The following GLIS3 variants were observed in gnomAD, a reference collection of about 807,000 sequenced individuals.
GLIS3 encodes GLIS family zinc finger 3.
GLIS3 carries 53 observed loss-of-function variants against 78.6 expected under a neutral mutation model. That is an observed-to-expected ratio of 0.67 (90% confidence interval 0.54 to 0.85). The LOEUF is 0.85. Among genes scored for constraint, GLIS3 ranks in the 40% least tolerant of loss-of-function variants. GLIS3 has a pLI of 0.00. For missense variants in GLIS3, 1,703 were observed against 1,231.1 expected (o/e 1.38, Z -5.74); for synonymous variants, 684 against 509.9 (o/e 1.34, Z -4.60).
chr9:4,152,004 C>T (rs988466413), intron 2 of GLIS3: 2 of 192,470 alleles, frequency 1.0e-5, no homozygotes, highest in Non-Finnish European at 1.9e-5. Flanking sequence ...ATGGGATCTC[C>T]AGTTTGCACA....
At chr9:4,121,783 C>G (rs1832210169) in intron 3 of GLIS3, among the ~76,000 whole-genome samples, 1 of 152,114 alleles carries the variant, frequency 6.6e-6, no homozygotes, top group Non-Finnish European at 1.5e-5. Context: ...CAATGCTCTG[C>G]TTAATTGAAA....
At chr9:4,397,753 AAGGAGAGGAG>A in the GLIS3 span, among the ~76,000 whole-genome samples, 1 of 146,572 alleles carries the variant, frequency 6.8e-6, no homozygotes, top group Non-Finnish European at 1.5e-5. Flanking sequence ...AGAAAGAGGA[AAGGAGAGGAG>A]AGGAAAGGAG....
the GLIS3 span, among the ~76,000 whole-genome samples, chr9:4,378,876 CTG>C: frequency 6.6e-6 from 1 of 152,162 alleles, no homozygotes; most frequent in Non-Finnish European, 1.5e-5. Context: ...GACCTGGAGA[CTG>C]ATTCTTCCTC....
intron 2 of GLIS3, among the ~76,000 whole-genome samples, chr9:4,180,934 T>A (rs145510915): frequency 2.6e-5 from 4 of 152,092 alleles, no homozygotes; most frequent in Admixed American, 2.6e-4. Context: ...ACTGCCACCA[T>A]CTCCCTGGGC....
At chr9:4,363,933 G>A in the GLIS3 span, among the ~76,000 whole-genome samples, 1 of 152,194 alleles carries the variant, frequency 6.6e-6, no homozygotes, top group African/African-American at 2.4e-5. Context: ...GAAGCAGGGT[G>A]GGACTCCTAG....
chr9:4,483,068 C>T, the GLIS3 span, among the ~76,000 whole-genome samples: 1 of 152,176 alleles, frequency 6.6e-6, no homozygotes, highest in Non-Finnish European at 1.5e-5. Flanking sequence ...AAATGCCTCT[C>T]AACTTTTGTT....
intron 4 of GLIS3, among the ~76,000 whole-genome samples, chr9:3,966,783 A>G (rs984746527): frequency 6.6e-6 from 1 of 151,748 alleles, no homozygotes; most frequent in Non-Finnish European, 1.5e-5. Flanking sequence ...CAAAAAAAAA[A>G]CAAAAAACAA....
chr9:4,121,659 A>ACC (rs1309508447), intron 3 of GLIS3, among the ~76,000 whole-genome samples: 4 of 148,136 alleles, frequency 2.7e-5, no homozygotes, highest in Admixed American at 6.7e-5. Flanking sequence ...ACACACACAC[A>ACC]CACCCCAAAG....
At chr9:4,331,534 G>A (rs1419178848) in intron 2 of GLIS3, among the ~76,000 whole-genome samples, 11 of 152,262 alleles carry the variant, frequency 7.2e-5, no homozygotes, top group East Asian at 3.9e-4. Context: ...TGATTGGTCC[G>A]TTGAAGCAGA....
At chr9:4,181,258 G>A (rs1817299599) in intron 2 of GLIS3, among the ~76,000 whole-genome samples, 1 of 152,240 alleles carries the variant, frequency 6.6e-6, no homozygotes, top group Non-Finnish European at 1.5e-5. Context: ...GGCTGACCAT[G>A]GACAGCACTC....
the GLIS3 span, among the ~76,000 whole-genome samples, chr9:4,388,584 G>C: frequency 6.6e-6 from 1 of 152,156 alleles, no homozygotes. Context: ...GCTGAGGCAG[G>C]AGAATGGCTT....
intron 2 of GLIS3, among the ~76,000 whole-genome samples, chr9:4,140,285 C>T (rs1005823289): frequency 3.9e-5 from 6 of 152,106 alleles, no homozygotes; most frequent in East Asian, 3.9e-4. Flanking sequence ...GATGGCACCA[C>T]GGCACTCCAG....
At chr9:3,937,861 A>T (rs959961213) in intron 4 of GLIS3, among the ~76,000 whole-genome samples, 3 of 152,248 alleles carry the variant, frequency 2.0e-5, no homozygotes, top group Non-Finnish European at 2.9e-5. Context: ...TTTCCAAAAA[A>T]GTACCGTAAT....
rs373215312 is a variant in GLIS3 at position 3,890,761 on chromosome 9, AACAC to A, written c.2128+7926_2128+7929del. 2.6e-3 allele frequency among the ~76,000 whole-genome samples: 382 copies of A among 149,548 alleles called. 4 individuals carry two copies. The highest frequency in any genetic ancestry group is 9.5e-3 in the African/African-American group (369 of 38,992). ...ACAAAACAAACCAAACAACAACAACAACACAACAACAACAAACCCACCAACAACA... is the reference window on the plus strand; with the variant it reads ...ACAAAACAAACCAAACAACAACAACAAACAACAACAAACCCACCAACAACA... On this transcript the variant is annotated intron_variant, in intron 7 of 10. Coordinates refer to ENST00000381971, the MANE Select transcript of GLIS3 (RefSeq NM_001042413.2).
intron 8 of GLIS3, among the ~76,000 whole-genome samples, chr9:3,863,024 G>A (rs191154941): frequency 4.6e-5 from 7 of 152,242 alleles, no homozygotes; most frequent in African/African-American, 1.2e-4. Context: ...CAACTGCAGA[G>A]GGGGAAGAAA....
At chr9:4,011,644 C>A (rs889749627) in intron 4 of GLIS3, among the ~76,000 whole-genome samples, 2 of 152,150 alleles carry the variant, frequency 1.3e-5, no homozygotes, top group African/African-American at 4.8e-5. Context: ...CGTCTCTAGT[C>A]CAGCTAACCT....
chr9:3,926,829 T>C (rs1346686876), intron 6 of GLIS3, among the ~76,000 whole-genome samples: 1 of 151,764 alleles, frequency 6.6e-6, no homozygotes, highest in East Asian at 2.0e-4. Context: ...TTCGTCATGT[T>C]GGCCAGGCTG....
chr9:4,241,342 A>G (rs59078001), intron 2 of GLIS3, among the ~76,000 whole-genome samples: 7,194 of 152,278 alleles, frequency 0.047, 566 homozygotes, highest in African/African-American at 0.16. Flanking sequence ...GAGGTTGATT[A>G]ATGAGTACAG....
chr9:4,139,403 G>A (rs1833638280), intron 2 of GLIS3, among the ~76,000 whole-genome samples: 1 of 152,200 alleles, frequency 6.6e-6, no homozygotes, highest in Admixed American at 6.5e-5. Flanking sequence ...GAATCAAATT[G>A]AGCAGTTCCT....
Sources: allele counts gnomAD v4.1 joint callset (sites outside exome capture counted in the v4.1 genomes callset), GRCh38; gene constraint gnomAD v4.1.1; transcripts MANE v1.5; gene names NCBI Gene and HGNC (gene_info 2026-07-23, HGNC 2026-07-21).